Variants in TCF7L2 observed in about 807,000 individuals in gnomAD.
TCF7L2 encodes transcription factor 7 like 2.
TCF7L2 carries 23 observed loss-of-function variants against 77.9 expected under a neutral mutation model. That is an observed-to-expected ratio of 0.30 (90% CI 0.21 to 0.42). The LOEUF is 0.42. Ranked by LOEUF, TCF7L2 falls within the 10% of genes least tolerant of loss-of-function variation. The pLI is 1.00. For synonymous variants in TCF7L2, 413 were observed against 340.2 expected (o/e 1.21, Z -2.36); for missense variants, 654 against 793.1 (o/e 0.82, Z 2.11).
At chr10:113,046,110 A>G (rs921197927) in intron 5 of TCF7L2, among the ~76,000 whole-genome samples, 2 of 152,200 alleles carry the variant, frequency 1.3e-5, no homozygotes, top group Non-Finnish European at 2.9e-5. Flanking sequence ...TCAGATGTCC[A>G]AAGCTTCCTT....
chr10:113,088,137 C>T (rs1183098526), intron 5 of TCF7L2, among the ~76,000 whole-genome samples: 1 of 151,480 alleles, frequency 6.6e-6, no homozygotes, highest in Non-Finnish European at 1.5e-5. Context: ...ATAGCTATTT[C>T]TTTTTTTTTA....
chr10:113,092,064 G>A (rs2060463363), intron 5 of TCF7L2, among the ~76,000 whole-genome samples: 1 of 152,204 alleles, frequency 6.6e-6, no homozygotes. Flanking sequence ...TTGGCGGCAG[G>A]AGGTAGATAA....
At chr10:113,014,946 G>A (rs938450302) in intron 4 of TCF7L2, among the ~76,000 whole-genome samples, 5 of 152,218 alleles carry the variant, frequency 3.3e-5, no homozygotes, top group African/African-American at 1.2e-4. Context: ...CCAGCACGCT[G>A]GGAGGCCGAG....
chr10:113,075,928 G>A (rs35397134), intron 5 of TCF7L2, among the ~76,000 whole-genome samples: 7,820 of 152,128 alleles, frequency 0.051, 259 homozygotes, highest in South Asian at 0.11. Flanking sequence ...CTGAGGTCAG[G>A]AGTTCGAGAC....
chr10:112,967,434 T>C (rs901410353), intron 4 of TCF7L2, among the ~76,000 whole-genome samples: 2 of 152,302 alleles, frequency 1.3e-5, no homozygotes, highest in East Asian at 1.9e-4. Flanking sequence ...GCTCACTGTT[T>C]ATATGAATGG....
chr10:113,148,730 A>T (rs113518570), intron 8 of TCF7L2, among the ~76,000 whole-genome samples: 2 of 152,370 alleles, frequency 1.3e-5, no homozygotes, highest in African/African-American at 4.8e-5. Flanking sequence ...ATGAAATAGT[A>T]GTCTGCAGAA....
chr10:113,158,690 C>G (rs905483658), intron 12 of TCF7L2: 5 of 1,613,850 alleles, frequency 3.1e-6, no homozygotes, highest in Non-Finnish European at 4.2e-6. Context: ...TTTCCTAAAT[C>G]CTTGCCTTTC....
At chr10:113,043,292 G>A (rs1238276025) in intron 5 of TCF7L2, among the ~76,000 whole-genome samples, 4 of 152,166 alleles carry the variant, frequency 2.6e-5, no homozygotes, top group African/African-American at 9.7e-5. Context: ...AATCTGATTG[G>A]ATTATTTTCA....
intron 5 of TCF7L2, among the ~76,000 whole-genome samples, chr10:113,073,314 A>G (rs2058295205): frequency 6.6e-6 from 1 of 151,574 alleles, no homozygotes; most frequent in Admixed American, 6.6e-5. Flanking sequence ...CCAGAGAAAG[A>G]AATGTTGAAT....
chr10:112,959,784 G>A (rs1286397716), intron 3 of TCF7L2, among the ~76,000 whole-genome samples: 1 of 152,154 alleles, frequency 6.6e-6, no homozygotes, highest in East Asian at 1.9e-4. Context: ...CAGTGGGGTA[G>A]GGGAAGCTGG....
Position 112,964,813 on chromosome 10 carries a change from G to GGTGATGGTGGTGGTGGTGGTGGT in TCF7L2, c.450+190_450+191insTGATGGTGGTGGTGGTGGTGGTG, listed in dbSNP as rs1564719445. 1.4e-4 allele frequency among the ~76,000 whole-genome samples: 14 copies of GGTGATGGTGGTGGTGGTGGTGGT among 98,432 alleles called. No individual in the cohort carries two copies. The African/African-American group carries it at 1.5e-3, about 10-fold the overall frequency. 64.6% of individuals were successfully genotyped at this position (98,432 alleles called of 152,430 possible). On this transcript the variant is annotated intron_variant, in intron 4 of 13. Transcript: ENST00000627217. The stretch of plus-strand genomic sequence containing the variant: ...TGGTGATGGTGGTGGTGGTGGTGGT[G>GGTGATGGTGGTGGTGGTGGTGGT]GGGGGGGGTTGAATCACTGGGGGAG...
intron 4 of TCF7L2, among the ~76,000 whole-genome samples, chr10:113,005,934 GA>G (rs962461279): frequency 2.0e-5 from 3 of 151,702 alleles, no homozygotes. Flanking sequence ...TGTGTTCTGG[GA>G]AATAAAAACC....
intron 5 of TCF7L2, among the ~76,000 whole-genome samples, chr10:113,059,615 G>A (rs1172095046): frequency 6.6e-6 from 1 of 152,092 alleles, no homozygotes; most frequent in African/African-American, 2.4e-5. Flanking sequence ...AGTGGAAATT[G>A]ACAGTCTGAG....
rs529966412 is a variant in TCF7L2, at chr10:113,165,847, G to T, written c.1684G>T (p.Ala562Ser). 1.9e-6 allele frequency: 3 copies of T among 1,607,044 alleles called. No individual in the cohort carries two copies. Among genetic ancestry groups the T allele is most frequent in the Non-Finnish European group, 2.6e-6 (3 of 1,176,070 alleles). The change falls in exon 14 of 14, where the codon GCT (alanine) becomes TCT (serine). Residue 562 changes from alanine to serine, a missense_variant. Around this residue, in one of 6 missense-constraint regions of TCF7L2, gnomAD observed 272 missense variants for 215.4 expected, o/e 1.26. Coordinates refer to ENST00000627217, the MANE Select transcript of TCF7L2 (RefSeq NM_001146274.2). ...CGGGGCCCTGGACCTGCCCCCAGCC[G>T]CTTTGCAGCCTGCCGCCCCCTCCTC...
At chr10:113,068,097 G>A (rs2135117994) in intron 5 of TCF7L2, among the ~76,000 whole-genome samples, 1 of 152,240 alleles carries the variant, frequency 6.6e-6, no homozygotes, top group East Asian at 1.9e-4. Context: ...GTTTTTTAAA[G>A]TATGAAGTGC....
At chr10:112,954,689 G>C (rs986054272) in intron 3 of TCF7L2, among the ~76,000 whole-genome samples, 1 of 152,196 alleles carries the variant, frequency 6.6e-6, no homozygotes, top group Non-Finnish European at 1.5e-5. Flanking sequence ...AAGTTGATTG[G>C]AAAAAGTAGT....
At chr10:113,127,011 G>T (rs2065757756) in intron 5 of TCF7L2, 2 of 851,780 alleles carry the variant, frequency 2.3e-6, no homozygotes, top group Non-Finnish European at 2.8e-6. Context: ...TGCCATGTTC[G>T]CTGTCACTTT....
intron 5 of TCF7L2, among the ~76,000 whole-genome samples, chr10:113,132,709 T>C (rs10787475): frequency 0.7 from 106,168 of 152,112 alleles, 38,531 homozygotes; most frequent in African/African-American, 0.89. Context: ...ACATTCTCTG[T>C]GAACTCGGGC....
At chr10:113,019,642 T>C (rs1012848078) in intron 4 of TCF7L2, among the ~76,000 whole-genome samples, 15 of 151,442 alleles carry the variant, frequency 9.9e-5, no homozygotes, top group Non-Finnish European at 3.0e-5. Flanking sequence ...TTTAAAATAA[T>C]GTTTAGAGAC....
Sources: gnomAD v4.1 joint callset for allele counts (sites outside exome capture counted in the v4.1 genomes callset) on GRCh38, gnomAD v4.1.1 for gene constraint, gnomAD v4.1.1 regional missense constraint, MANE v1.5 for transcripts, NCBI Gene and HGNC (gene_info 2026-07-23, HGNC 2026-07-21) for gene names.